Variants in ALKBH8 observed in about 807,000 individuals in gnomAD.
ALKBH8 encodes the protein tRNA (carboxymethyluridine(34)-5-O)-methyltransferase ALKBH8.
In ALKBH8, 36 loss-of-function variants were observed where a neutral mutation model predicts 59.8. That is an observed-to-expected ratio of 0.60 (90% CI 0.46 to 0.79). The LOEUF is 0.79. Among genes scored for constraint, ALKBH8 ranks in the 30% least tolerant of loss-of-function variants. The pLI is 0.00. For synonymous variants in ALKBH8, 276 were observed against 273.6 expected, an observed-to-expected ratio of 1.01 and a Z score of -0.09; for missense variants, 768 against 801.0, an observed-to-expected ratio of 0.96 and a Z score of 0.50.
At chr11:107,516,009 A>G (rs1862848336) in intron 10 of ALKBH8, among the ~76,000 whole-genome samples, 1 of 152,218 alleles carries the variant, frequency 6.6e-6, no homozygotes, top group South Asian at 2.1e-4. Context: ...AACACTAACC[A>G]GGCTAATAAT....
intron 9 of ALKBH8, among the ~76,000 whole-genome samples, chr11:107,524,119 C>T (rs1343197382): frequency 2.0e-5 from 3 of 151,976 alleles, no homozygotes; most frequent in African/African-American, 4.8e-5. Context: ...GTGCAAGTGG[C>T]GCGATCATAG....
chr11:107,546,061 T>C (rs1457510160), intron 7 of ALKBH8, among the ~76,000 whole-genome samples: 1 of 152,230 alleles, frequency 6.6e-6, no homozygotes, highest in Non-Finnish European at 1.5e-5. Flanking sequence ...TCATTCTTTG[T>C]TCTAAAAAAT....
chr11:107,555,863 A>G (rs1027091782), intron 3 of ALKBH8, among the ~76,000 whole-genome samples: 4 of 152,256 alleles, frequency 2.6e-5, no homozygotes, highest in Non-Finnish European at 5.9e-5. Context: ...ATATAAAGCT[A>G]TACTTATTTA....
At chr11:107,534,630 A>G (rs1002051861) in intron 7 of ALKBH8, among the ~76,000 whole-genome samples, 4 of 152,248 alleles carry the variant, frequency 2.6e-5, no homozygotes, top group Non-Finnish European at 5.9e-5. Flanking sequence ...GAGATATATG[A>G]ACATGATATT....
chr11:107,549,786 C>T lies in ALKBH8; in HGVS notation c.738G>A (p.Glu246=). The T allele has an allele frequency of 1.3e-6, 2 of 1,550,228 alleles. No individual in the cohort carries two copies. The highest frequency in any genetic ancestry group is 1.7e-6 in the Non-Finnish European group (2 of 1,145,902). ...PAHIDTHSAF[E]DEIVSLSLGS... ...CCAAACTGAGAGAAACGATCTCATC[C>T]TCAAAAGCGGAATGTGTATCAATAT... The change falls in exon 7 of 12, where the codon GAG becomes GAA. Residue 246 remains glutamate, a synonymous_variant. Coordinates refer to ENST00000428149, the MANE Select transcript of ALKBH8 (RefSeq NM_138775.3).
intron 11 of ALKBH8, among the ~76,000 whole-genome samples, chr11:107,506,384 G>T (rs75793554): frequency 0.013 from 2,008 of 151,596 alleles, 24 homozygotes; most frequent in South Asian, 0.034. Flanking sequence ...TGTTAAAAAT[G>T]AGGACCAAAG....
At chr11:107,551,679 A>G in intron 6 of ALKBH8, 129 bp downstream of exon 6, 1 of 302,352 alleles carries the variant, frequency 3.3e-6, no homozygotes, top group Admixed American at 5.3e-5. Context: ...GGGCAACAAG[A>G]GCGAAACTCC....
chr11:107,550,985 C>A (rs1364096451), intron 6 of ALKBH8, among the ~76,000 whole-genome samples: 2 of 152,158 alleles, frequency 1.3e-5, no homozygotes, highest in African/African-American at 4.8e-5. Flanking sequence ...AAAAATAAAA[C>A]CCTTAAAATC....
intron 2 of ALKBH8, among the ~76,000 whole-genome samples, chr11:107,559,629 C>T (rs1319597991): frequency 6.6e-6 from 1 of 152,214 alleles, no homozygotes; most frequent in African/African-American, 2.4e-5. Context: ...GCCTCAGTGG[C>T]TCTTGACTGA....
chr11:107,522,520 T>A lies in ALKBH8; in HGVS notation c.1066A>T (p.Thr356Ser). 1 of 1,550,592 alleles carries A rather than the reference T, an allele frequency of 6.4e-7. No homozygotes were observed. ...PLVCDSQRKETPPSFPESDKE... is the reference protein window; with the variant it reads ...PLVCDSQRKESPPSFPESDKE... ...TCACTCTCTGGAAATGAGGGGGGAG[T>A]CTCTTTCCTCTGGCTATCACAGACC... is the stretch of plus-strand genomic sequence containing the variant. Residue 356 changes from threonine (T) to serine (S), a missense_variant, in exon 10 of 12, where the codon ACT becomes TCT. Physicochemically the swap from Thr to Ser is moderately conservative, Grantham distance 58. Coordinates refer to ENST00000428149, the MANE Select transcript of ALKBH8 (RefSeq NM_138775.3).
intron 5 of ALKBH8, 116 bp downstream of exon 5, chr11:107,552,992 C>T: frequency 1.5e-6 from 1 of 650,732 alleles, no homozygotes; most frequent in East Asian, 3.1e-5. Context: ...TTTAAATAAA[C>T]TGTTCAGAAA....
chr11:107,505,812 T>G (rs932285747), intron 11 of ALKBH8, among the ~76,000 whole-genome samples: 3 of 152,170 alleles, frequency 2.0e-5, no homozygotes, highest in Non-Finnish European at 4.4e-5. Context: ...TGCAAATTCA[T>G]AATGTGGGAC....
intron 10 of ALKBH8, among the ~76,000 whole-genome samples, chr11:107,518,600 C>A (rs1033469239): frequency 3.1e-4 from 47 of 152,270 alleles, no homozygotes; most frequent in Non-Finnish European, 6.3e-4. Context: ...GTTCTTAAAC[C>A]ACAAACAATA....
chr11:107,548,558 C>A (rs1252523571), intron 7 of ALKBH8, among the ~76,000 whole-genome samples: 1 of 152,110 alleles, frequency 6.6e-6, no homozygotes, highest in East Asian at 1.9e-4. Context: ...TCCCCGATCT[C>A]ATTATTTTTT....
rs1862248045 is a variant in ALKBH8 at position 107,503,246 on chromosome 11, C to A, written c.*1412G>T. The A allele has an allele frequency of 6.6e-6, 1 of 152,064 alleles. No individual in the cohort carries two copies. The highest frequency in any genetic ancestry group is 6.6e-5 in the Admixed American group (1 of 15,254). 9.4% of individuals were successfully genotyped at this position (152,064 alleles called of 1,614,324 possible). On this transcript the variant is annotated 3_prime_UTR_variant, in exon 12 of 12. Coordinates refer to ENST00000428149, the MANE Select transcript of ALKBH8 (RefSeq NM_138775.3). ...TCCTATATCATGAGCCTTATAAATT[C>A]ATCCCAGAGGGACCAGTACACCAGG... is the stretch of plus-strand genomic sequence containing the variant.
At chr11:107,506,276 A>G (rs1862379938) in intron 11 of ALKBH8, among the ~76,000 whole-genome samples, 1 of 152,192 alleles carries the variant, frequency 6.6e-6, no homozygotes, top group African/African-American at 2.4e-5. Context: ...CTTATACTTT[A>G]TCTGCTTCTC....
chr11:107,536,085 G>T (rs1863803106), intron 7 of ALKBH8, among the ~76,000 whole-genome samples: 1 of 152,170 alleles, frequency 6.6e-6, no homozygotes, highest in African/African-American at 2.4e-5. Flanking sequence ...AATAAAGGTG[G>T]CCATCTGTTC....
intron 7 of ALKBH8, among the ~76,000 whole-genome samples, chr11:107,535,507 G>A (rs1347971603): frequency 2.0e-5 from 3 of 152,158 alleles, no homozygotes; most frequent in African/African-American, 7.2e-5. Flanking sequence ...CTGATAATTA[G>A]TGATGTTGAA....
At chr11:107,520,286 G>T (rs1466488752) in intron 10 of ALKBH8, among the ~76,000 whole-genome samples, 1 of 152,186 alleles carries the variant, frequency 6.6e-6, no homozygotes, top group Admixed American at 6.5e-5. Context: ...AGACAGGAAA[G>T]AATTATGTAC....
Sources: gnomAD v4.1 joint callset for allele counts (sites outside exome capture counted in the v4.1 genomes callset) on GRCh38, gnomAD v4.1.1 for gene constraint, MANE v1.5 for transcripts, NCBI Gene and HGNC (gene_info 2026-07-23, HGNC 2026-07-21) for gene names.